The following SORBS3 variants were observed in gnomAD, a reference collection of about 807,000 sequenced individuals.
SORBS3 encodes the protein vinexin.
SORBS3 carries 69 observed loss-of-function variants against 98.0 expected under a neutral mutation model. The ratio of observed to expected loss-of-function variants is 0.70; its 90% CI spans 0.58 to 0.86. The LOEUF (loss-of-function observed/expected upper bound fraction) is 0.86. SORBS3 is among the 40% of genes least tolerant of loss of function. SORBS3 has a pLI of 0.00. For missense variants in SORBS3, 954 were observed against 908.5 expected, an observed-to-expected ratio of 1.05 and a Z score of -0.64; for synonymous variants, 394 against 355.4, an observed-to-expected ratio of 1.11 and a Z score of -1.22.
At chr8:22,570,507 C>T (rs915587036) in intron 17 of SORBS3, among the ~76,000 whole-genome samples, 3 of 152,194 alleles carry the variant, frequency 2.0e-5, no homozygotes, top group African/African-American at 7.2e-5. Flanking sequence ...TGGTTATTTT[C>T]ACTTAACATA....
In SORBS3 at chr8:22,553,774, C is replaced by T. The variant is rs113927453; in HGVS notation, c.-55-678C>T. Among the ~76,000 whole-genome samples, 133 of 152,358 alleles carry T rather than the reference C, an allele frequency of 8.7e-4. 5 individuals carry two copies. The highest frequency in any genetic ancestry group is 3.5e-3 in the East Asian group (18 of 5,188). ...TCCATGGGCATGAGCAGGTTCAGCT[C>T]TGCCCTCACCCACCGCTTCTGTCTC... On this transcript the variant is annotated intron_variant, in intron 1 of 20. Coordinates refer to ENST00000240123, the MANE Select transcript of SORBS3 (RefSeq NM_005775.5).
At chr8:22,561,660 T>C in intron 6 of SORBS3, 1 of 619,764 alleles carries the variant, frequency 1.6e-6, no homozygotes. Context: ...CTCGGAGTTG[T>C]TTTGAAGATG....
chr8:22,570,794 G>A lies in SORBS3; in HGVS notation c.1432-116G>A, dbSNP rs535997700. 218 of 902,380 alleles carry A rather than the reference G, an allele frequency of 2.4e-4. 1 individual carries two copies. In the African/African-American group the frequency reaches 3.2e-3, roughly 13 times the overall value. The allele number at this position is 902,380 out of a possible 1,614,324, so 55.9% of individuals were successfully genotyped here. ...CTCGGGTAAACTGCTGGCCCCCTGC[G>A]ATTCCGACCCCTCGTGTGTCCAAGG... On this transcript the variant is annotated intron_variant, in intron 17 of 20. Coordinates refer to ENST00000240123, the MANE Select transcript of SORBS3 (RefSeq NM_005775.5).
At chr8:22,561,035 G>A (rs1840284351) in intron 5 of SORBS3, 1 of 348,584 alleles carries the variant, frequency 2.9e-6, no homozygotes, top group South Asian at 1.3e-4. Context: ...TGAGTGGTGA[G>A]GGCAAGTCCA....
At chr8:22,564,136 C>A in intron 8 of SORBS3, 59 bp downstream of exon 8, 1 of 1,549,566 alleles carries the variant, frequency 6.5e-7, no homozygotes. Flanking sequence ...GGCCAAGACC[C>A]TATGCCACGA....
intron 3 of SORBS3, among the ~76,000 whole-genome samples, chr8:22,555,433 C>G (rs1840165975): frequency 6.6e-6 from 1 of 152,194 alleles, no homozygotes; most frequent in Non-Finnish European, 1.5e-5. Context: ...TGCAGGCCAG[C>G]CCTGAACATG....
Position 22,561,349 on chromosome 8 carries a change from T to C in SORBS3, c.493T>C (p.Trp165Arg), listed in dbSNP as rs777191370. The C allele has an allele frequency of 2.8e-5, 45 of 1,607,628 alleles. No individual in the cohort carries two copies. The highest frequency in any genetic ancestry group is 3.7e-5 in the Non-Finnish European group (43 of 1,176,144). ...HRKMPDLQLD[W>R]TFEEPPRDPR... ...TGCTCCTGCAGACTTGCAGCTGGACTGGACCTTCGAGGAGCCACCCAGAGG... is the reference window on the plus strand; with the variant it reads ...TGCTCCTGCAGACTTGCAGCTGGACCGGACCTTCGAGGAGCCACCCAGAGG... Residue 165 changes from tryptophan (W) to arginine (R), a missense_variant, in exon 6 of 21, where the codon TGG (tryptophan) becomes CGG (arginine). Physicochemically the swap from Trp to Arg is moderately radical, Grantham distance 101. Transcript: ENST00000240123.
chr8:22,557,324 G>T (rs1840203302), intron 4 of SORBS3, among the ~76,000 whole-genome samples: 1 of 152,194 alleles, frequency 6.6e-6, no homozygotes, highest in African/African-American at 2.4e-5. Context: ...GGCAAGCGTG[G>T]AAGGATCCGG....
chr8:22,567,118 C>T lies in SORBS3; in HGVS notation c.1248C>T (p.Asn416=). Reference sequence around the variant, plus strand: ...ACATCCACAAGGAGGTGGACAAGAACTGGCTGGAGGGAGAGCACCACGGCC... The same window carrying T: ...ACATCCACAAGGAGGTGGACAAGAATTGGCTGGAGGGAGAGCACCACGGCC... The part of the protein sequence containing the change: ...IVYIHKEVDK[N]WLEGEHHGRL... Residue 416 remains asparagine (N), a synonymous_variant, in exon 16 of 21, where the codon AAC becomes AAT. Coordinates refer to ENST00000240123, the MANE Select transcript of SORBS3 (RefSeq NM_005775.5). 1 of 1,613,538 alleles carries T rather than the reference C, an allele frequency of 6.2e-7. No homozygotes were observed. Among genetic ancestry groups the T allele is most frequent in the Non-Finnish European group, 8.5e-7 (1 of 1,179,820 alleles).
At chr8:22,566,025 ACT>A (rs1411404265) in intron 12 of SORBS3, 153 bp downstream of exon 12, 1 of 592,768 alleles carries the variant, frequency 1.7e-6, no homozygotes, top group Non-Finnish European at 2.5e-6. Context: ...CCGCAGCGCC[ACT>A]CTCTGCGGGG....
upstream of SORBS3, chr8:22,551,878 C>A (rs968906389): frequency 3.0e-6 from 3 of 985,048 alleles, no homozygotes; most frequent in East Asian, 1.1e-4. This position sits in a 1 kb window ranked among gnomAD's most constrained non-coding sequence, Gnocchi z 5.8. Context: ...CGGCCCGGCC[C>A]GTCCTGACCC....
intron 8 of SORBS3, 30 bp from the exon 9 acceptor site, chr8:22,564,253 A>G (rs1840356066): frequency 6.4e-7 from 1 of 1,561,944 alleles, no homozygotes; most frequent in African/African-American, 1.4e-5. Flanking sequence ...AGCCCTCTTC[A>G]CAAGCTGACA....
At chr8:22,551,714 G>A, upstream of SORBS3, 1 of 983,554 alleles carries the variant, frequency 1.0e-6, no homozygotes, top group South Asian at 4.7e-5. This position sits in a 1 kb window ranked among gnomAD's most constrained non-coding sequence, Gnocchi z 5.8. Context: ...CCCGACGGAC[G>A]GAGAGCACTC....
At position 22,569,285 on chromosome 8, in the gene SORBS3, C is replaced by T. The variant is rs201716975; in HGVS notation, c.1431+12C>T. ...TGTCCTTCCGCAAGGTGGGCCAGGC[C>T]GGAGACGGAGGGGTGGGTGGGGGCA... On this transcript the variant is annotated intron_variant, in intron 17 of 20. Transcript: ENST00000240123. The T allele has an allele frequency of 4.2e-5, 66 of 1,572,070 alleles. No individual in the cohort carries two copies. The highest frequency in any genetic ancestry group is 4.4e-5 in the Non-Finnish European group (51 of 1,157,154).
Position 22,574,838 on chromosome 8 carries a change from C to T in SORBS3, c.*110C>T, listed in dbSNP as rs776027066. 3.8e-6 allele frequency: 4 copies of T among 1,062,420 alleles called. No homozygotes were observed. The highest frequency in any genetic ancestry group is 5.8e-6 in the Non-Finnish European group (4 of 683,836). The allele number at this position is 1,062,420 out of a possible 1,614,324, so 65.8% of individuals were successfully genotyped here. A position where few individuals can be genotyped will look rare whatever the true frequency, so the allele number is the denominator to read the frequency against. ...CCTCCTTCCCCAGGACCTGAGCTCC[C>T]AGCATCTGCAGACGACCCCCGCAGC... is the stretch of plus-strand genomic sequence containing the variant. On this transcript the variant is annotated 3_prime_UTR_variant, in exon 21 of 21. Transcript: ENST00000240123.
chr8:22,549,446 T>G (rs1243965191), upstream of SORBS3, among the ~76,000 whole-genome samples: 3 of 152,128 alleles, frequency 2.0e-5, no homozygotes, highest in Non-Finnish European at 4.4e-5. Flanking sequence ...TGGCTCAATC[T>G]CCAAACCCTG....
At chr8:22,564,639 A>T in intron 10 of SORBS3, 118 bp downstream of exon 10, 1 of 1,435,398 alleles carries the variant, frequency 7.0e-7, no homozygotes, top group Non-Finnish European at 9.5e-7. Flanking sequence ...CCAGTCCCAC[A>T]TGGTTTATTT....
At chr8:22,564,693 G>A (rs543083071) in intron 10 of SORBS3, 172 bp downstream of exon 10, 313 of 1,390,208 alleles carry the variant, frequency 2.3e-4, no homozygotes, top group Middle Eastern at 2.6e-4. Context: ...TACAGGAGGC[G>A]CTCAGTAAAC....
In SORBS3 at chr8:22,566,383, C is replaced by T; in HGVS notation, c.989C>T (p.Pro330Leu). Residue 330 changes from proline to leucine, a missense_variant, in exon 13 of 21, where the codon CCT (proline) becomes CTT (leucine). By Grantham distance (98) the Pro-to-Leu change is moderately conservative. Transcript: ENST00000240123. Reference sequence around the variant, plus strand: ...TGGAGCTCCAGCTACCCACATGCACCTTACCTGGGTTCCGCCCGGTCCCTG... The same window carrying T: ...TGGAGCTCCAGCTACCCACATGCACTTTACCTGGGTTCCGCCCGGTCCCTG... ...SAWSSSYPHA[P>L]YLGSARSLSP... The T allele has an allele frequency of 6.2e-7, 1 of 1,614,048 alleles. No homozygotes were observed. The highest frequency in any genetic ancestry group is 8.5e-7 in the Non-Finnish European group (1 of 1,179,992).
Sources: allele counts gnomAD v4.1 joint callset (sites outside exome capture counted in the v4.1 genomes callset), GRCh38; gene constraint gnomAD v4.1.1; non-coding constraint Gnocchi (gnomAD v3.1); transcripts MANE v1.5; gene names NCBI Gene and HGNC (gene_info 2026-07-23, HGNC 2026-07-21).